Variants in ATRNL1 observed in about 807,000 individuals in gnomAD.
ATRNL1 encodes attractin like 1, also known as attractin-like protein 1.
A neutral mutation model predicts 182.7 loss-of-function variants in ATRNL1; 95 were observed. The ratio of observed to expected loss-of-function variants is 0.52; its 90% CI spans 0.44 to 0.62. ATRNL1 has a LOEUF of 0.62. ATRNL1 is among the 20% of genes least tolerant of loss of function. The pLI is 0.00. For missense variants in ATRNL1, 1,471 were observed against 1,679.5 expected (o/e 0.88, Z 2.17); for synonymous variants, 576 against 568.3 (o/e 1.01, Z -0.19).
At chr10:115,230,848 AGG>A (rs1554899763) in intron 9 of ATRNL1, among the ~76,000 whole-genome samples, 2 of 146,940 alleles carry the variant, frequency 1.4e-5, no homozygotes, top group African/African-American at 5.0e-5. Flanking sequence ...TGAAAAAACT[AGG>A]GGACTGGATA....
intron 28 of ATRNL1, among the ~76,000 whole-genome samples, chr10:115,849,770 G>C (rs1589601905): frequency 6.6e-6 from 1 of 152,188 alleles, no homozygotes; most frequent in Admixed American, 6.5e-5. Flanking sequence ...TGGGGAGAGG[G>C]GATACTAGAG....
At chr10:115,780,656 C>T (rs565686019) in intron 27 of ATRNL1, among the ~76,000 whole-genome samples, 2 of 152,142 alleles carry the variant, frequency 1.3e-5, no homozygotes, top group Non-Finnish European at 2.9e-5. Context: ...AGTCATGAGG[C>T]CCCCTTTCCA....
At chr10:115,644,704 CACTA>C (rs1859486913) in intron 26 of ATRNL1, among the ~76,000 whole-genome samples, 1 of 152,098 alleles carries the variant, frequency 6.6e-6, no homozygotes, top group African/African-American at 2.4e-5. Flanking sequence ...TCAAAGTAAA[CACTA>C]AATAAATGCT....
chr10:115,794,988 C>T (rs1949616598), intron 27 of ATRNL1, among the ~76,000 whole-genome samples: 1 of 152,080 alleles, frequency 6.6e-6, no homozygotes, highest in South Asian at 2.1e-4. Context: ...TTTAAGATGG[C>T]TTCTGTGTCC....
intron 28 of ATRNL1, among the ~76,000 whole-genome samples, chr10:115,892,540 T>C (rs1314956294): frequency 1.3e-5 from 2 of 152,236 alleles, no homozygotes; most frequent in Non-Finnish European, 2.9e-5. Flanking sequence ...TTCATGCTGA[T>C]GATACATATC....
intron 24 of ATRNL1, among the ~76,000 whole-genome samples, chr10:115,477,095 A>G (rs1848567570): frequency 6.6e-6 from 1 of 151,570 alleles, no homozygotes; most frequent in African/African-American, 2.4e-5. Context: ...AACATGCAAT[A>G]TAGATAGTTT....
At chr10:115,605,988 AC>A (rs2133953535) in intron 26 of ATRNL1, among the ~76,000 whole-genome samples, 1 of 152,136 alleles carries the variant, frequency 6.6e-6, no homozygotes, top group South Asian at 2.1e-4. Flanking sequence ...TGCATAATGA[AC>A]AAAAAATGTG....
chr10:115,452,062 A>G (rs1479092427), intron 21 of ATRNL1, among the ~76,000 whole-genome samples: 8 of 152,174 alleles, frequency 5.3e-5, no homozygotes, highest in African/African-American at 1.9e-4. Flanking sequence ...AATGATGAGA[A>G]CTAAAGAACA....
chr10:115,126,203 A>G (rs935690460), intron 3 of ATRNL1, among the ~76,000 whole-genome samples: 6 of 152,084 alleles, frequency 3.9e-5, no homozygotes, highest in African/African-American at 1.4e-4. Flanking sequence ...GACTACAGGC[A>G]TGCACCACCG....
intron 24 of ATRNL1, among the ~76,000 whole-genome samples, chr10:115,484,510 T>C (rs1848925348): frequency 1.3e-5 from 2 of 151,676 alleles, no homozygotes. Flanking sequence ...AGTATACTTT[T>C]TAGGACTGTG....
intron 21 of ATRNL1, among the ~76,000 whole-genome samples, chr10:115,458,761 G>A (rs781811566): frequency 4.6e-5 from 7 of 152,016 alleles, no homozygotes; most frequent in African/African-American, 9.7e-5. Flanking sequence ...ATGCTTAGTT[G>A]CAGTCTTGAA....
chr10:115,502,104 T>G (rs1849873422), intron 24 of ATRNL1, among the ~76,000 whole-genome samples: 1 of 152,162 alleles, frequency 6.6e-6, no homozygotes, highest in Non-Finnish European at 1.5e-5. Flanking sequence ...ACAATTACAA[T>G]TATTACTGAT....
chr10:115,288,511 A>G (rs1807829902), intron 15 of ATRNL1, among the ~76,000 whole-genome samples: 1 of 147,330 alleles, frequency 6.8e-6, no homozygotes, highest in Admixed American at 6.8e-5. Flanking sequence ...GGTCACTTGT[A>G]TGTCTTCTTT....
chr10:115,569,085 G>A (rs1259617069), intron 26 of ATRNL1, among the ~76,000 whole-genome samples: 1 of 151,966 alleles, frequency 6.6e-6, no homozygotes, highest in African/African-American at 2.4e-5. Context: ...ACATTGCAAT[G>A]TTAGAAATAT....
intron 26 of ATRNL1, among the ~76,000 whole-genome samples, chr10:115,637,697 T>G (rs1348227797): frequency 6.6e-6 from 1 of 151,106 alleles, no homozygotes; most frequent in Non-Finnish European, 1.5e-5. Context: ...CAATCTTGGC[T>G]CACTGCAACC....
chr10:115,327,864 TC>T (rs1854993281), intron 18 of ATRNL1, among the ~76,000 whole-genome samples: 1 of 151,254 alleles, frequency 6.6e-6, no homozygotes, highest in Non-Finnish European at 1.5e-5. Context: ...ATATTCTCAC[TC>T]ATAGGTGGGA....
intron 26 of ATRNL1, among the ~76,000 whole-genome samples, chr10:115,564,612 C>G (rs180893246): frequency 8.9e-4 from 135 of 151,676 alleles, no homozygotes; most frequent in African/African-American, 3.1e-3. Context: ...ATTTTTATAC[C>G]TTGTACATGT....
At chr10:115,379,321 A>C (rs1857855279) in intron 19 of ATRNL1, among the ~76,000 whole-genome samples, 1 of 152,226 alleles carries the variant, frequency 6.6e-6, no homozygotes, top group Admixed American at 6.5e-5. Flanking sequence ...ATGAAGTATA[A>C]ATTTTAAACA....
intron 17 of ATRNL1, among the ~76,000 whole-genome samples, chr10:115,310,016 G>A (rs939296309): frequency 6.6e-6 from 1 of 151,966 alleles, no homozygotes; most frequent in East Asian, 1.9e-4. Flanking sequence ...TTATTTTGTG[G>A]TATGTTCCTT....
Sources: allele counts gnomAD v4.1 joint callset (sites outside exome capture counted in the v4.1 genomes callset), GRCh38; gene constraint gnomAD v4.1.1; transcripts MANE v1.5; gene names NCBI Gene and HGNC (gene_info 2026-07-23, HGNC 2026-07-21).